The following SGCZ variants were observed in gnomAD, a reference collection of about 807,000 sequenced individuals.
SGCZ encodes sarcoglycan zeta, also known as zeta-sarcoglycan.
Under a neutral mutation model 41.3 loss-of-function variants are expected in SGCZ, and 40 were observed. The ratio of observed to expected loss-of-function variants is 0.97; its 90% CI spans 0.75 to 1.26. SGCZ has a LOEUF of 1.26. Ranked by LOEUF, SGCZ falls within the 50% of genes most tolerant of loss-of-function variation. The pLI is 0.00. For missense variants in SGCZ, 552 were observed against 369.8 expected (o/e 1.49, Z -4.04); for synonymous variants, 206 against 137.5 (o/e 1.50, Z -3.49).
At chr8:14,601,750 G>C (rs958057298) in intron 1 of SGCZ, among the ~76,000 whole-genome samples, 7 of 152,142 alleles carry the variant, frequency 4.6e-5, no homozygotes, top group African/African-American at 1.7e-4. Context: ...GTGAAAACTG[G>C]AAAACTGGCA....
chr8:14,823,676 C>A (rs1363478730), intron 1 of SGCZ, among the ~76,000 whole-genome samples: 1 of 152,056 alleles, frequency 6.6e-6, no homozygotes, highest in Non-Finnish European at 1.5e-5. Context: ...AGGAGTTCTT[C>A]CAAAAAATTA....
At chr8:14,780,491 T>A (rs12544113) in intron 1 of SGCZ, among the ~76,000 whole-genome samples, 3 of 152,164 alleles carry the variant, frequency 2.0e-5, no homozygotes, top group Non-Finnish European at 4.4e-5. Context: ...TCATCTATTG[T>A]TAATCCTTCC....
chr8:14,977,706 C>T (rs1203375791), intron 1 of SGCZ, among the ~76,000 whole-genome samples: 4 of 152,076 alleles, frequency 2.6e-5, no homozygotes, highest in African/African-American at 9.7e-5. Flanking sequence ...AAAGTTCAAT[C>T]CCAAGACTCA....
intron 1 of SGCZ, among the ~76,000 whole-genome samples, chr8:14,799,121 A>C (rs1290008894): frequency 1.3e-5 from 2 of 152,046 alleles, no homozygotes; most frequent in Admixed American, 6.5e-5. Context: ...AGAAATTAAA[A>C]ATACATTTTG....
chr8:15,006,405 A>G (rs1280001969), intron 1 of SGCZ, among the ~76,000 whole-genome samples: 3 of 152,312 alleles, frequency 2.0e-5, no homozygotes, highest in African/African-American at 7.2e-5. Flanking sequence ...CTGGATTTAG[A>G]AAAGGATTTA....
At chr8:14,986,075 T>C (rs981139339) in intron 1 of SGCZ, among the ~76,000 whole-genome samples, 8 of 152,090 alleles carry the variant, frequency 5.3e-5, no homozygotes, top group Non-Finnish European at 1.0e-4. Context: ...ACACTAAATA[T>C]ATGAACAATA....
At chr8:14,914,455 C>G (rs868471119) in intron 1 of SGCZ, among the ~76,000 whole-genome samples, 77 of 152,072 alleles carry the variant, frequency 5.1e-4, no homozygotes, top group African/African-American at 1.2e-3. Flanking sequence ...GGAATTTTCT[C>G]TATCGCTGGA....
intron 1 of SGCZ, among the ~76,000 whole-genome samples, chr8:15,228,948 C>A (rs1008787599): frequency 6.6e-6 from 1 of 152,138 alleles, no homozygotes; most frequent in African/African-American, 2.4e-5. Flanking sequence ...AATCCCAGCA[C>A]TTTGGGAGGC....
chr8:14,663,197 A>G (rs893405443), intron 1 of SGCZ, among the ~76,000 whole-genome samples: 1 of 152,214 alleles, frequency 6.6e-6, no homozygotes, highest in African/African-American at 2.4e-5. Context: ...GAATTCTTAA[A>G]TAGGGACAAT....
chr8:14,144,024 T>A (rs1235012303), intron 5 of SGCZ, among the ~76,000 whole-genome samples: 1 of 152,070 alleles, frequency 6.6e-6, no homozygotes, highest in East Asian at 1.9e-4. Context: ...GTGCTCTGTG[T>A]CTCCAAATAA....
At chr8:14,512,822 T>A (rs1368412719) in intron 2 of SGCZ, among the ~76,000 whole-genome samples, 1 of 151,944 alleles carries the variant, frequency 6.6e-6, no homozygotes, top group Non-Finnish European at 1.5e-5. Context: ...AGGAACTTTA[T>A]TAATTGTCTA....
chr8:14,926,787 T>C (rs1256206016), intron 1 of SGCZ, among the ~76,000 whole-genome samples: 3 of 151,922 alleles, frequency 2.0e-5, no homozygotes, highest in Non-Finnish European at 4.4e-5. Context: ...ATTACAGGCA[T>C]GCGCCACCAC....
chr8:14,093,729 A>T (rs896023443), intron 7 of SGCZ, among the ~76,000 whole-genome samples: 1 of 152,092 alleles, frequency 6.6e-6, no homozygotes, highest in African/African-American at 2.4e-5. Context: ...AAGTATATAT[A>T]TTTTAGGTCA....
At chr8:14,681,827 C>A (rs1808455745) in intron 1 of SGCZ, among the ~76,000 whole-genome samples, 1 of 151,824 alleles carries the variant, frequency 6.6e-6, no homozygotes, top group African/African-American at 2.4e-5. Flanking sequence ...AGCCCATGGG[C>A]TTTTAGATGA....
At chr8:15,182,928 T>C (rs1033239928) in intron 1 of SGCZ, among the ~76,000 whole-genome samples, 2 of 152,202 alleles carry the variant, frequency 1.3e-5, no homozygotes, top group Non-Finnish European at 2.9e-5. Flanking sequence ...AAATTTTCAA[T>C]ATTAATTTTA....
intron 1 of SGCZ, among the ~76,000 whole-genome samples, chr8:14,950,008 T>G (rs1800579536): frequency 6.6e-6 from 1 of 152,072 alleles, no homozygotes; most frequent in Non-Finnish European, 1.5e-5. Context: ...TCTTTCTTAA[T>G]TTTATCCTTT....
chr8:15,037,254 TAGTG>T (rs1803907892), intron 1 of SGCZ, among the ~76,000 whole-genome samples: 1 of 152,166 alleles, frequency 6.6e-6, no homozygotes, highest in African/African-American at 2.4e-5. Context: ...AATCTCGTGA[TAGTG>T]AGTGAGTTCT....
intron 1 of SGCZ, among the ~76,000 whole-genome samples, chr8:15,129,841 C>T (rs1194831492): frequency 6.6e-6 from 1 of 151,914 alleles, no homozygotes; most frequent in Non-Finnish European, 1.5e-5. Context: ...CAGTGAGCAC[C>T]CTTCTGCTCC....
At chr8:14,798,587 C>T (rs528549385) in intron 1 of SGCZ, among the ~76,000 whole-genome samples, 1 of 152,148 alleles carries the variant, frequency 6.6e-6, no homozygotes, top group East Asian at 1.9e-4. Context: ...TGCTTCAGCA[C>T]TTTATACTGT....
Sources: allele counts gnomAD v4.1 joint callset (sites outside exome capture counted in the v4.1 genomes callset), GRCh38; gene constraint gnomAD v4.1.1; transcripts MANE v1.5; gene names NCBI Gene and HGNC (gene_info 2026-07-23, HGNC 2026-07-21).